RIC8A: variants seen among roughly 807,000 people sequenced by gnomAD.
The protein encoded by RIC8A is RIC8 guanine nucleotide exchange factor A.
RIC8A carries 37 observed loss-of-function variants against 48.4 expected under a neutral mutation model. The ratio of observed to expected loss-of-function variants is 0.77; its 90% CI spans 0.59 to 1.01. The LOEUF is 1.01. Ranked by LOEUF, RIC8A falls within the 50% of genes least tolerant of loss-of-function variation. RIC8A has a pLI of 0.00. For synonymous variants in RIC8A, 288 were observed against 283.4 expected, an observed-to-expected ratio of 1.02 and a Z score of -0.16; for missense variants, 681 against 696.8, an observed-to-expected ratio of 0.98 and a Z score of 0.25.
Position 208,773 on chromosome 11 carries a change from G to T in RIC8A, c.-82G>T. ...CGGCCTCCCCCGCGCGCTGGCGCGG[G>T]GCTTTCTGGGCCAGGGCGGGGCCGG... On this transcript the variant is annotated 5_prime_UTR_variant, in exon 1 of 10. Transcript: ENST00000526104. The surrounding 1 kb of genome is among the most constrained non-coding windows in gnomAD (Gnocchi z 4.8). 1 of 1,152,284 alleles carries T rather than the reference G, an allele frequency of 8.7e-7. No homozygotes were observed. Among genetic ancestry groups the T allele is most frequent in the Non-Finnish European group, 1.2e-6 (1 of 831,936 alleles). 71.4% of individuals were successfully genotyped at this position (1,152,284 alleles called of 1,614,324 possible). A position where few individuals can be genotyped will look rare whatever the true frequency, so the allele number is the denominator to read the frequency against.
chr11:214,331 C>T lies in RIC8A; in HGVS notation c.1577C>T (p.Pro526Leu). Residue 526 changes from proline (P) to leucine (L), a missense_variant, in exon 10 of 10, where the codon CCT becomes CTT. By Grantham distance (98) the Pro-to-Leu change is moderately conservative. Coordinates refer to ENST00000526104, the MANE Select transcript of RIC8A (RefSeq NM_001286134.2). ...ETMEQQLSSD[P>L]DSDPD ...ATGGAGCAGCAGCTCTCCTCGGACC[C>T]TGACTCGGACCCTGACTGAGGATGG... 9 of 1,604,760 alleles carry T rather than the reference C, an allele frequency of 5.6e-6. No individual in the cohort carries two copies. The highest frequency in any genetic ancestry group is 7.7e-6 in the Non-Finnish European group (9 of 1,175,538).
At chr11:213,270 T>C (rs930234394) in intron 8 of RIC8A, 29 bp from the exon 9 acceptor site, 1 of 1,613,256 alleles carries the variant, frequency 6.2e-7, no homozygotes, top group Non-Finnish European at 8.5e-7. Context: ...CACTAATGCA[T>C]TCCCCACATT....
At position 209,430 on chromosome 11, in the gene RIC8A, C is replaced by T. The variant is rs768353060; in HGVS notation, c.156C>T (p.Ser52=). ...AGAGACTGGCGGAGCTGCTGGTCTC[C>T]GTCCTGGAACAGGGCTTGCCACCCT... The part of the protein sequence containing the change: ...DRKRLAELLV[S]VLEQGLPPSH... Residue 52 remains serine, a synonymous_variant, in exon 3 of 10, where the codon TCC becomes TCT. Transcript: ENST00000526104. The T allele has an allele frequency of 1.4e-5, 23 of 1,601,110 alleles. 1 individual carries two copies. Among genetic ancestry groups the T allele is most frequent in the Non-Finnish European group, 4.3e-6 (5 of 1,170,432 alleles).
chr11:209,084 C>T (rs1855273398), intron 1 of RIC8A, 146 bp downstream of exon 1: 3 of 1,032,682 alleles, frequency 2.9e-6, no homozygotes, highest in African/African-American at 1.6e-5. Context: ...GTCTGGGATG[C>T]AGTGTTGCGG....
Position 212,976 on chromosome 11 carries a change from A to C in RIC8A, c.1350A>C (p.Lys450Asn). 1 of 1,547,876 alleles carries C rather than the reference A, an allele frequency of 6.5e-7. No individual in the cohort carries two copies. Among genetic ancestry groups the C allele is most frequent in the South Asian group, 1.3e-5 (1 of 79,254 alleles). The change falls in exon 8 of 10, where the codon AAA becomes AAC. Residue 450 changes from lysine to asparagine, a missense_variant. Transcript: ENST00000526104. ...ACACAGATGAGTACAAGGAAGCCAA[A>C]GCCAGGTGTGTACCCCCAACACACC... ...DTDTDEYKEA[K>N]ASINPVTGRV...
chr11:210,749 G>A, intron 4 of RIC8A, 87 bp downstream of exon 4: 1 of 1,215,882 alleles, frequency 8.2e-7, no homozygotes, highest in Non-Finnish European at 1.2e-6. Flanking sequence ...AGAACCACCT[G>A]AGAGCCCAGG....
Position 211,456 on chromosome 11 carries a change from G to A in RIC8A, c.969+107G>A. 2 of 1,252,010 alleles carry A rather than the reference G, an allele frequency of 1.6e-6. No individual in the cohort carries two copies. Among genetic ancestry groups the A allele is most frequent in the Non-Finnish European group, 2.2e-6 (2 of 918,646 alleles). 77.6% of individuals were successfully genotyped at this position (1,252,010 alleles called of 1,614,324 possible). A position where few individuals can be genotyped will look rare whatever the true frequency, so the allele number is the denominator to read the frequency against. On this transcript the variant is annotated intron_variant, in intron 5 of 9. Transcript: ENST00000526104. The surrounding 1 kb of genome is among the most constrained non-coding windows in gnomAD (Gnocchi z 4.0). ...CTGTCCACACTGGTACGTGGAGATT[G>A]TCTTGGTGGTGTGATATGGGCGACT...
Position 211,385 on chromosome 11 carries a change from G to A in RIC8A, c.969+36G>A, listed in dbSNP as rs369714461. 1.4e-4 allele frequency: 227 copies of A among 1,598,934 alleles called. No homozygotes were observed. Among genetic ancestry groups the A allele is most frequent in the Non-Finnish European group, 1.9e-4 (221 of 1,171,510 alleles). ...GATGGCTGTGCAGGCTCCCCCAGTG[G>A]CTCTGGCACTGGTTCTCCTGCACAG... is the stretch of plus-strand genomic sequence containing the variant. On this transcript the variant is annotated intron_variant, in intron 5 of 9. Coordinates refer to ENST00000526104, the MANE Select transcript of RIC8A (RefSeq NM_001286134.2). The surrounding 1 kb of genome is among the most constrained non-coding windows in gnomAD (Gnocchi z 4.0).
Position 212,425 on chromosome 11 carries a change from C to G in RIC8A, c.979C>G (p.Leu327Val). 6.2e-7 allele frequency: 1 copy of G among 1,613,804 alleles called. No individual in the cohort carries two copies. ...AGAGAATCCTCTACAGACACACAGG[C>G]TGAAGGAGAGTGTAGCTCCCGTGCT... Reference protein sequence around the residue: ...LEKRLHKTHRLKESVAPVLSV... With the variant: ...LEKRLHKTHRVKESVAPVLSV... Residue 327 changes from leucine (L) to valine (V), a missense_variant, in exon 6 of 10, where the codon CTG becomes GTG. Physicochemically the swap from Leu to Val is conservative, Grantham distance 32. Coordinates refer to ENST00000526104, the MANE Select transcript of RIC8A (RefSeq NM_001286134.2).
At chr11:210,082 G>C (rs1045818245) in intron 3 of RIC8A, 82 bp downstream of exon 3, 2 of 1,230,306 alleles carry the variant, frequency 1.6e-6, no homozygotes, top group African/African-American at 3.0e-5. Flanking sequence ...GGTACCTTCA[G>C]GTTTCTGGGT....
rs1219361228 is a variant in RIC8A, at chr11:211,242, G to C, written c.862G>C (p.Asp288His). The change falls in exon 5 of 10, where the codon GAT (aspartate) becomes CAT (histidine). Residue 288 changes from aspartate (D) to histidine (H), a missense_variant. By Grantham distance (81) the Asp-to-His change is moderately conservative. Coordinates refer to ENST00000526104, the MANE Select transcript of RIC8A (RefSeq NM_001286134.2). This position sits in a 1 kb window ranked among gnomAD's most constrained non-coding sequence, Gnocchi z 4.0. Reference protein sequence around the residue: ...LLGNLPLKCLDVLLTLEPHGD... With the variant: ...LLGNLPLKCLHVLLTLEPHGD... Reference sequence around the variant, plus strand: ...GGGGAACTTGCCCCTCAAGTGTCTGGATGTTCTCCTCACCCTGGAGCCACA... The same window carrying C: ...GGGGAACTTGCCCCTCAAGTGTCTGCATGTTCTCCTCACCCTGGAGCCACA... 6.2e-7 allele frequency: 1 copy of C among 1,614,120 alleles called. No homozygotes were observed. The highest frequency in any genetic ancestry group is 1.7e-5 in the Admixed American group (1 of 60,026).
At position 209,513 on chromosome 11, in the gene RIC8A, T is replaced by G; in HGVS notation, c.239T>G (p.Leu80Arg). Reference sequence around the variant, plus strand: ...ATCCTGTCCCGGGACCGCAACTGCCTGGACCCGTTCACCAGCCGCCAGAGC... The same window carrying G: ...ATCCTGTCCCGGGACCGCAACTGCCGGGACCCGTTCACCAGCCGCCAGAGC... ...VRILSRDRNCLDPFTSRQSLQ... is the reference protein window; with the variant it reads ...VRILSRDRNCRDPFTSRQSLQ... Residue 80 changes from leucine to arginine, a missense_variant, in exon 3 of 10, where the codon CTG (leucine) becomes CGG (arginine). By Grantham distance (102) the Leu-to-Arg change is moderately radical. Transcript: ENST00000526104. 6.2e-7 allele frequency: 1 copy of G among 1,613,930 alleles called. No individual in the cohort carries two copies. The highest frequency in any genetic ancestry group is 2.2e-5 in the East Asian group (1 of 44,886).
rs1268484858 is a variant in RIC8A, at chr11:210,088, T to C, written c.726+88T>C. 3.4e-6 allele frequency: 4 copies of C among 1,184,394 alleles called. No individual in the cohort carries two copies. The Admixed American group carries it at 7.5e-5, about 22-fold the overall frequency. The allele number at this position is 1,184,394 out of a possible 1,614,324, so 73.4% of individuals were successfully genotyped here. A position where few individuals can be genotyped will look rare whatever the true frequency, so the allele number is the denominator to read the frequency against. ...TTCCTACTGGGTACCTTCAGGTTTCTGGGTGTCAGACATGGAGAGGACAGG... is the reference window on the plus strand; with the variant it reads ...TTCCTACTGGGTACCTTCAGGTTTCCGGGTGTCAGACATGGAGAGGACAGG... On this transcript the variant is annotated intron_variant, in intron 3 of 9. Transcript: ENST00000526104.
At position 215,073 on chromosome 11, in the gene RIC8A, A is replaced by C. The variant is rs1855516848; in HGVS notation, c.*723A>C. The C allele has an allele frequency of 6.5e-6, 1 of 154,766 alleles. No individual in the cohort carries two copies. 9.6% of individuals were successfully genotyped at this position (154,766 alleles called of 1,614,324 possible). A position where few individuals can be genotyped will look rare whatever the true frequency, so the allele number is the denominator to read the frequency against. On this transcript the variant is annotated 3_prime_UTR_variant, in exon 10 of 10. Transcript: ENST00000526104. The stretch of plus-strand genomic sequence containing the variant: ...TATACCACATACCACACATAGCCAC[A>C]GAAACATCATCTTGAAATAAAGAAG...
In RIC8A at chr11:209,602, G is replaced by T. The variant is rs371064171; in HGVS notation, c.328G>T (p.Asp110Tyr). The change falls in exon 3 of 10, where the codon GAC becomes TAC. Residue 110 changes from aspartate to tyrosine, a missense_variant. Physicochemically the swap from Asp to Tyr is radical, Grantham distance 160. Transcript: ENST00000526104. ...TGAGGGGTCCGTCCCAGAGTCCGCA[G>T]ACATGGATGTTGTACTGGAGTCCCT... The part of the protein sequence containing the change: ...VSEGSVPESA[D>Y]MDVVLESLKC... The T allele has an allele frequency of 1.2e-6, 2 of 1,614,078 alleles. No individual in the cohort carries two copies. The highest frequency in any genetic ancestry group is 1.7e-6 in the Non-Finnish European group (2 of 1,180,046).
Position 209,493 on chromosome 11 carries a change from G to C in RIC8A, c.219G>C (p.Leu73=). The change falls in exon 3 of 10, where the codon CTG becomes CTC. Residue 73 remains leucine, a synonymous_variant. Transcript: ENST00000526104. ...TCTGGCTGCAGAGTGTCCGAATCCTGTCCCGGGACCGCAACTGCCTGGACC... is the reference window on the plus strand; with the variant it reads ...TCTGGCTGCAGAGTGTCCGAATCCTCTCCCGGGACCGCAACTGCCTGGACC... The part of the protein sequence containing the change: ...RVIWLQSVRI[L]SRDRNCLDPF... 1 of 1,612,702 alleles carries C rather than the reference G, an allele frequency of 6.2e-7. No individual in the cohort carries two copies.
In RIC8A at chr11:209,450, C is replaced by T; in HGVS notation, c.176C>T (p.Pro59Leu). ...LLVSVLEQGL[P>L]PSHRVIWLQS... is the part of the protein sequence containing the mutation. ...GTCTCCGTCCTGGAACAGGGCTTGC[C>T]ACCCTCCCACCGTGTCATCTGGCTG... Residue 59 changes from proline (P) to leucine (L), a missense_variant, in exon 3 of 10, where the codon CCA becomes CTA. Transcript: ENST00000526104. The T allele has an allele frequency of 1.2e-6, 2 of 1,603,744 alleles. No homozygotes were observed. The highest frequency in any genetic ancestry group is 1.3e-5 in the African/African-American group (1 of 74,874).
At chr11:212,215 T>G in intron 5 of RIC8A, 2 of 596,620 alleles carry the variant, frequency 3.4e-6, no homozygotes, top group Non-Finnish European at 6.0e-6. Context: ...TCTATCCCTG[T>G]CCTTTTCAAA....
Position 214,610 on chromosome 11 carries a change from G to A in RIC8A, c.*260G>A. The stretch of plus-strand genomic sequence containing the variant: ...ACAGACGAAGTACTTTCTTTTGTCT[G>A]CGCCAAGAGGAATGTGTTCAGAAGC... On this transcript the variant is annotated 3_prime_UTR_variant, in exon 10 of 10. Transcript: ENST00000526104. 1.9e-6 allele frequency: 1 copy of A among 535,746 alleles called. No individual in the cohort carries two copies. Among genetic ancestry groups the A allele is most frequent in the Non-Finnish European group, 3.4e-6 (1 of 291,716 alleles). The allele number at this position is 535,746 out of a possible 1,614,324, so 33.2% of individuals were successfully genotyped here.
Sources: gnomAD v4.1 joint callset for allele counts on GRCh38, gnomAD v4.1.1 for gene constraint, Gnocchi (gnomAD v3.1) non-coding constraint, MANE v1.5 for transcripts, NCBI Gene and HGNC (gene_info 2026-07-23, HGNC 2026-07-21) for gene names.